The following SELENBP1 variants were observed in gnomAD, a reference collection of about 807,000 sequenced individuals.
SELENBP1 encodes the protein selenium binding protein 1.
A neutral mutation model predicts 61.0 loss-of-function variants in SELENBP1; 71 were observed. That is an observed-to-expected ratio of 1.16 (90% CI 0.96 to 1.42). The LOEUF is 1.42. Among genes scored for constraint, SELENBP1 ranks in the 40% most tolerant of loss-of-function variants. The pLI, the probability that SELENBP1 is intolerant of heterozygous loss-of-function variation, is 0.00. For synonymous variants in SELENBP1, 270 were observed against 238.9 expected (o/e 1.13, Z -1.20); for missense variants, 561 against 605.0 (o/e 0.93, Z 0.76).
At position 151,369,787 on chromosome 1, in the gene SELENBP1, C is replaced by T. The variant is rs41285000; in HGVS notation, c.5-18G>A. 0.034 allele frequency: 53,510 copies of T among 1,551,848 alleles called. 1,074 individuals are homozygous for T. Among genetic ancestry groups the T allele is most frequent in the Non-Finnish European group, 0.04 (46,126 of 1,147,068 alleles). Reference sequence around the variant, plus strand: ...TTTCGTAGCTGTGGAAGCAATGGGGCGCATTGGCTGGGCCACGCTCTGGAG... The same window carrying T: ...TTTCGTAGCTGTGGAAGCAATGGGGTGCATTGGCTGGGCCACGCTCTGGAG... On this transcript the variant is annotated intron_variant, in intron 1 of 11. Coordinates refer to ENST00000368868, the MANE Select transcript of SELENBP1 (RefSeq NM_003944.4).
At chr1:151,366,599 A>G in intron 6 of SELENBP1, 123 bp downstream of exon 6, 1 of 1,394,036 alleles carries the variant, frequency 7.2e-7, no homozygotes, top group Non-Finnish European at 9.9e-7. Context: ...CATGCGGTAC[A>G]TCCTATGCCA....
rs1651873104 is a variant in SELENBP1, at chr1:151,367,146, C to T, written c.482-242G>A. 7.5e-6 allele frequency: 7 copies of T among 930,620 alleles called. No homozygotes were observed. In the South Asian group the frequency reaches 1.8e-4, roughly 24 times the overall value. The allele number at this position is 930,620 out of a possible 1,614,324, so 57.6% of individuals were successfully genotyped here. A position where few individuals can be genotyped will look rare whatever the true frequency, so the allele number is the denominator to read the frequency against. ...TCACTTGAGGTCAGGAGTTCAGGAT[C>T]AGCCTGGCCAACATGGTGAAACTCT... On this transcript the variant is annotated intron_variant, in intron 5 of 11. Transcript: ENST00000368868.
chr1:151,372,617 A>C, intron 1 of SELENBP1, 21 bp downstream of exon 1: 1 of 1,614,098 alleles, frequency 6.2e-7, no homozygotes, highest in Non-Finnish European at 8.5e-7. Flanking sequence ...GCAATGGGTG[A>C]TTGGAAACCC....
Position 151,365,650 on chromosome 1 carries a change from G to T in SELENBP1, c.957C>A (p.Asp319Glu). ...GCCAGTTGCTGAAGTAGAGGAAGCG[G>T]TCGTCCAGGGAGAGCAGGATGTCGG... Reference protein sequence around the residue: ...LITDILLSLDDRFLYFSNWLH... With the variant: ...LITDILLSLDERFLYFSNWLH... Residue 319 changes from aspartate (D) to glutamate (E), a missense_variant, in exon 9 of 12, where the codon GAC becomes GAA. Coordinates refer to ENST00000368868, the MANE Select transcript of SELENBP1 (RefSeq NM_003944.4). The T allele has an allele frequency of 1.2e-6, 2 of 1,614,182 alleles. No homozygotes were observed. The highest frequency in any genetic ancestry group is 1.7e-6 in the Non-Finnish European group (2 of 1,180,028).
At chr1:151,370,080 C>T (rs1652069540) in intron 1 of SELENBP1, 3 of 1,208,568 alleles carry the variant, frequency 2.5e-6, no homozygotes, top group Non-Finnish European at 2.2e-6. Context: ...GACTCGGGGC[C>T]CAACCCCAGC....
chr1:151,365,762 A>G lies in SELENBP1; in HGVS notation c.922+6T>C. On this transcript the variant is annotated splice_donor_region_variant and intron_variant, in intron 8 of 11. Coordinates refer to ENST00000368868, the MANE Select transcript of SELENBP1 (RefSeq NM_003944.4). Reference sequence around the variant, plus strand: ...GAATCAACTTTCCTATGCCCTAGGCACTCACCTGGCATTTCGGGCAGCAGC... The same window carrying G: ...GAATCAACTTTCCTATGCCCTAGGCGCTCACCTGGCATTTCGGGCAGCAGC... 6.2e-7 allele frequency: 1 copy of G among 1,613,654 alleles called. No individual in the cohort carries two copies. The highest frequency in any genetic ancestry group is 8.5e-7 in the Non-Finnish European group (1 of 1,179,870).
intron 2 of SELENBP1, 35 bp from the exon 3 acceptor site, chr1:151,369,589 G>A: frequency 1.3e-6 from 2 of 1,574,308 alleles, no homozygotes; most frequent in East Asian, 2.3e-5. Flanking sequence ...GGGACGGCAG[G>A]GTGGGAAGGA....
Position 151,366,879 on chromosome 1 carries a change from C to T in SELENBP1, c.507G>A (p.Glu169=), listed in dbSNP as rs1557843877. ...GKGGFVLLDG[E]TFEVKGTWER... ...CCCATGTCCCCTTCACCTCGAACGTCTCCCCATCCAGCAGCACAAAACCCC... is the reference window on the plus strand; with the variant it reads ...CCCATGTCCCCTTCACCTCGAACGTTTCCCCATCCAGCAGCACAAAACCCC... Residue 169 remains glutamate, a synonymous_variant, in exon 6 of 12, where the codon GAG becomes GAA. Coordinates refer to ENST00000368868, the MANE Select transcript of SELENBP1 (RefSeq NM_003944.4). 1.2e-6 allele frequency: 2 copies of T among 1,613,990 alleles called. No homozygotes were observed. The highest frequency in any genetic ancestry group is 8.5e-7 in the Non-Finnish European group (1 of 1,179,992).
chr1:151,366,467 G>C lies in SELENBP1; in HGVS notation c.665-14C>G, dbSNP rs551250111. ...TCCCGTACAGTCCTGGGGTGGGAGT[G>C]GGGCCGGAGGATAGGCTCAGCATCA... On this transcript the variant is annotated splice_polypyrimidine_tract_variant and intron_variant, in intron 6 of 11. Transcript: ENST00000368868. 2.5e-6 allele frequency: 4 copies of C among 1,607,634 alleles called. No homozygotes were observed. The Admixed American group carries it at 6.7e-5, about 27-fold the overall frequency.
rs185373550 is a variant in SELENBP1, at chr1:151,367,209, C to G, written c.482-305G>C. 11 of 307,502 alleles carry G rather than the reference C, an allele frequency of 3.6e-5. No homozygotes were observed. In the South Asian group the frequency reaches 8.1e-4, roughly 23 times the overall value. 19.0% of individuals were successfully genotyped at this position (307,502 alleles called of 1,614,324 possible). On this transcript the variant is annotated intron_variant, in intron 5 of 11. Coordinates refer to ENST00000368868, the MANE Select transcript of SELENBP1 (RefSeq NM_003944.4). Reference sequence around the variant, plus strand: ...AATATAAAAAATTACCCAGGCATGGCGTCACATGCCTGTAATCCCAGCTAC... The same window carrying G: ...AATATAAAAAATTACCCAGGCATGGGGTCACATGCCTGTAATCCCAGCTAC...
At chr1:151,366,494 A>G (rs1293451683) in intron 6 of SELENBP1, 41 bp from the exon 7 acceptor site, 4 of 1,594,590 alleles carry the variant, frequency 2.5e-6, no homozygotes, top group Admixed American at 3.4e-5. Context: ...TCAGCATCAG[A>G]GGTTGGAAGG....
intron 11 of SELENBP1, 42 bp downstream of exon 11, chr1:151,364,884 A>G: frequency 6.3e-7 from 1 of 1,595,694 alleles, no homozygotes; most frequent in Non-Finnish European, 8.6e-7. Context: ...CCCCTCTGGA[A>G]GAGGAGGGCT....
chr1:151,366,634 G>A, intron 6 of SELENBP1, 88 bp downstream of exon 6: 4 of 1,508,724 alleles, frequency 2.7e-6, no homozygotes, highest in Non-Finnish European at 3.6e-6. Context: ...TGGGGCCACA[G>A]GAGGGAAGTG....
At position 151,366,706 on chromosome 1, in the gene SELENBP1, AT is replaced by A; in HGVS notation, c.664+15del. The A allele has an allele frequency of 6.2e-7, 1 of 1,610,868 alleles. No individual in the cohort carries two copies. The highest frequency in any genetic ancestry group is 8.5e-7 in the Non-Finnish European group (1 of 1,177,514). ...GTAGGCCCAAGGCTCCTGCTGGCAC[AT>A]GGGGGGATTCTCACCAGCCTCCACA... On this transcript the variant is annotated intron_variant, in intron 6 of 11. Coordinates refer to ENST00000368868, the MANE Select transcript of SELENBP1 (RefSeq NM_003944.4).
At chr1:151,371,437 C>T (rs144905663) in intron 1 of SELENBP1, among the ~76,000 whole-genome samples, 10 of 151,080 alleles carry the variant, frequency 6.6e-5, no homozygotes, top group African/African-American at 2.2e-4. Context: ...TAATGAATTA[C>T]TGTGTAAATA....
chr1:151,365,932 C>T (rs1651793267), intron 7 of SELENBP1, 86 bp from the exon 8 acceptor site: 20 of 1,439,344 alleles, frequency 1.4e-5, no homozygotes, highest in Middle Eastern at 2.0e-4. Context: ...CTGGGTTGCC[C>T]AGACCTGGGA....
Position 151,366,800 on chromosome 1 carries a change from G to A in SELENBP1, c.586C>T (p.His196Tyr), listed in dbSNP as rs1364283797. ...LGYDFWYQPRHNVMISTEWAA... is the reference protein window; with the variant it reads ...LGYDFWYQPRYNVMISTEWAA... ...CACTCAGTGCTGATCATGACATTGT[G>A]TCGAGGCTGGTACCAGAAGTCATAG... The change falls in exon 6 of 12, where the codon CAC (histidine) becomes TAC (tyrosine). Residue 196 changes from histidine to tyrosine, a missense_variant. His to Tyr is a moderately conservative substitution (Grantham distance 83, BLOSUM62 2). Coordinates refer to ENST00000368868, the MANE Select transcript of SELENBP1 (RefSeq NM_003944.4). The A allele has an allele frequency of 1.9e-6, 3 of 1,614,028 alleles. No homozygotes were observed. The highest frequency in any genetic ancestry group is 1.1e-5 in the South Asian group (1 of 91,086).
chr1:151,366,352 G>A lies in SELENBP1; in HGVS notation c.766C>T (p.Leu256=). ...CCTTGGGCAGCGTCTGGGTTGTGCA[G>A]GAAGCGGATCTCCAAGGGAATAAGC... ...DGLIPLEIRF[L]HNPDAAQGFV... The change falls in exon 7 of 12, where the codon CTG becomes TTG. Residue 256 remains leucine, a synonymous_variant. Coordinates refer to ENST00000368868, the MANE Select transcript of SELENBP1 (RefSeq NM_003944.4). The A allele has an allele frequency of 6.2e-7, 1 of 1,614,208 alleles. No homozygotes were observed. Among genetic ancestry groups the A allele is most frequent in the Admixed American group, 1.7e-5 (1 of 60,030 alleles).
chr1:151,366,404 A>T lies in SELENBP1; in HGVS notation c.714T>A (p.Ile238=). 1.2e-6 allele frequency: 2 copies of T among 1,614,086 alleles called. No individual in the cohort carries two copies. The highest frequency in any genetic ancestry group is 1.7e-6 in the Non-Finnish European group (2 of 1,180,032). ...CATCTTTTAGAGACAGGGTCTGCAC[A>T]ATCTCATGGCGCTGCCAGTCCCATA... ...LYVWDWQRHE[I]VQTLSLKDGL... is the part of the protein sequence containing the mutation. The change falls in exon 7 of 12, where the codon ATT becomes ATA. Residue 238 remains isoleucine (I), a synonymous_variant. Coordinates refer to ENST00000368868, the MANE Select transcript of SELENBP1 (RefSeq NM_003944.4).
Sources: gnomAD v4.1 joint callset for allele counts (sites outside exome capture counted in the v4.1 genomes callset) on GRCh38, gnomAD v4.1.1 for gene constraint, MANE v1.5 for transcripts, NCBI Gene and HGNC (gene_info 2026-07-23, HGNC 2026-07-21) for gene names.